CPA5: variants seen among roughly 807,000 people sequenced by gnomAD.
The protein encoded by CPA5 is testicular tissue protein Li 32.
CPA5 carries 38 observed loss-of-function variants against 52.2 expected under a neutral mutation model. That is an observed-to-expected ratio of 0.73 (90% CI 0.56 to 0.95). The LOEUF (loss-of-function observed/expected upper bound fraction) is 0.95, where lower values mean the gene tolerates loss of function less well. Ranked by LOEUF, CPA5 falls within the 40% of genes least tolerant of loss-of-function variation. CPA5 has a pLI of 0.00. For missense variants in CPA5, 519 were observed against 566.7 expected, an observed-to-expected ratio of 0.92 and a Z score of 0.86; for synonymous variants, 198 against 213.7, an observed-to-expected ratio of 0.93 and a Z score of 0.64.
rs782095077 is a variant in CPA5, at chr7:130,350,026, G to A, written c.250G>A (p.Val84Ile). 17 of 1,613,968 alleles carry A rather than the reference G, an allele frequency of 1.1e-5. No homozygotes were observed. The East Asian group carries it at 3.1e-4, about 30-fold the overall frequency. The part of the protein sequence containing the change: ...ARPSLPVDMR[V>I]PFSELKDIKA... ...GCCCAGCCTCCCTGTGGATATGAGA[G>A]TTCCTTTCTCTGAACTGAAAGACAT... is the stretch of plus-strand genomic sequence containing the variant. The change falls in exon 5 of 13, where the codon GTT (valine) becomes ATT (isoleucine). Residue 84 changes from valine (V) to isoleucine (I), a missense_variant. Coordinates refer to ENST00000474905, the MANE Select transcript of CPA5 (RefSeq NM_080385.5).
At chr7:130,359,010 C>T (rs556106920) in intron 5 of CPA5, among the ~76,000 whole-genome samples, 11 of 152,250 alleles carry the variant, frequency 7.2e-5, no homozygotes, top group African/African-American at 2.2e-4. Flanking sequence ...TTTGGCCATG[C>T]CTGGCTTTCT....
At chr7:130,350,294 A>T (rs6957041) in intron 5 of CPA5, among the ~76,000 whole-genome samples, 185 bp downstream of exon 5, 1 of 152,158 alleles carries the variant, frequency 6.6e-6, no homozygotes, top group Non-Finnish European at 1.5e-5. Context: ...CTAGGACAGG[A>T]TTCATGGGGG....
chr7:130,347,235 C>A lies in CPA5; in HGVS notation c.117-531C>A, dbSNP rs140058113. Among the ~76,000 whole-genome samples, 6 of 152,338 alleles carry A rather than the reference C, an allele frequency of 3.9e-5. No individual in the cohort carries two copies. In the East Asian group the frequency reaches 1.2e-3, roughly 29 times the overall value. ...ACCACAGGCCTCTTGGATACGCAAC[C>A]TCCACTCACCTCCATCGGGAAGGAA... On this transcript the variant is annotated intron_variant, in intron 3 of 12. Transcript: ENST00000474905.
chr7:130,347,083 C>A (rs1244033712), intron 3 of CPA5, among the ~76,000 whole-genome samples: 1 of 152,114 alleles, frequency 6.6e-6, no homozygotes, highest in East Asian at 1.9e-4. Flanking sequence ...AGGTGGATGC[C>A]CCACAGTGCT....
chr7:130,356,580 G>T (rs960548550), intron 5 of CPA5, among the ~76,000 whole-genome samples: 9 of 152,336 alleles, frequency 5.9e-5, no homozygotes, highest in African/African-American at 1.7e-4. Flanking sequence ...TGAGGGCTGA[G>T]AATTCCCAGT....
At chr7:130,363,548 A>T (rs563311576) in intron 10 of CPA5, 39 bp downstream of exon 10, 1 of 1,516,632 alleles carries the variant, frequency 6.6e-7, no homozygotes, top group Admixed American at 2.0e-5. Context: ...GTTGGAGAAG[A>T]GGTGTTGGCC....
chr7:130,370,514 A>AT (rs1178214232), downstream of CPA5, among the ~76,000 whole-genome samples: 1 of 152,092 alleles, frequency 6.6e-6, no homozygotes, highest in Non-Finnish European at 1.5e-5. Context: ...CGATACAAAT[A>AT]TTTTTATTTT....
At chr7:130,347,740 C>T in intron 3 of CPA5, 26 bp from the exon 4 acceptor site, 1 of 1,600,000 alleles carries the variant, frequency 6.3e-7, no homozygotes, top group Non-Finnish European at 8.6e-7. Flanking sequence ...CCGCAGCTTC[C>T]TCCGCCCCTC....
In CPA5 at chr7:130,361,186, T is replaced by C; in HGVS notation, c.476T>C (p.Ile159Thr). ...IDNFVMEHSD[I>T]VSKIQIGNSF... ...AACTTTGTAATGGAGCATTCCGATATTGTCTCAAAAATTCAGATTGGCAAC... is the reference window on the plus strand; with the variant it reads ...AACTTTGTAATGGAGCATTCCGATACTGTCTCAAAAATTCAGATTGGCAAC... Residue 159 changes from isoleucine to threonine, a missense_variant, in exon 7 of 13, where the codon ATT becomes ACT. Physicochemically the swap from Ile to Thr is moderately conservative, Grantham distance 89 (BLOSUM62 -1). Transcript: ENST00000474905. The C allele has an allele frequency of 2.5e-6, 4 of 1,614,132 alleles. No homozygotes were observed. The highest frequency in any genetic ancestry group is 1.3e-5 in the African/African-American group (1 of 75,060).
chr7:130,368,693 C>G lies in CPA5; in HGVS notation c.*96C>G. ...TGCATCCCCATCCCCATGCCCTCATCCCGACCTCTTAGAAAATAAATACAA... is the reference window on the plus strand; with the variant it reads ...TGCATCCCCATCCCCATGCCCTCATGCCGACCTCTTAGAAAATAAATACAA... On this transcript the variant is annotated 3_prime_UTR_variant, in exon 13 of 13. Coordinates refer to ENST00000474905, the MANE Select transcript of CPA5 (RefSeq NM_080385.5). 7.9e-7 allele frequency: 1 copy of G among 1,260,368 alleles called. No homozygotes were observed. Among genetic ancestry groups the G allele is most frequent in the South Asian group, 1.3e-5 (1 of 77,186 alleles). 78.1% of individuals were successfully genotyped at this position (1,260,368 alleles called of 1,614,324 possible). A position where few individuals can be genotyped will look rare whatever the true frequency, so the allele number is the denominator to read the frequency against.
At chr7:130,347,320 G>A (rs978837789) in intron 3 of CPA5, among the ~76,000 whole-genome samples, 10 of 152,242 alleles carry the variant, frequency 6.6e-5, no homozygotes, top group Admixed American at 1.3e-4. Flanking sequence ...CCTTCCGGGC[G>A]TCGAGACAGA....
At position 130,362,496 on chromosome 7, in the gene CPA5, G is replaced by A. The variant is rs536962430; in HGVS notation, c.593G>A (p.Arg198Gln). The change falls in exon 8 of 13, where the codon CGG becomes CAG. Residue 198 changes from arginine (R) to glutamine (Q), a missense_variant. By Grantham distance (43) the Arg-to-Gln change is conservative. Coordinates refer to ENST00000474905, the MANE Select transcript of CPA5 (RefSeq NM_080385.5). ...AIWIDTGIHSREWITHATGIW... is the reference protein window; with the variant it reads ...AIWIDTGIHSQEWITHATGIW... ...TGGATTGACACTGGAATTCACTCCC[G>A]GGAGTGGATCACCCATGCCACCGGC... 9 of 1,613,642 alleles carry A rather than the reference G, an allele frequency of 5.6e-6. No individual in the cohort carries two copies. The highest frequency in any genetic ancestry group is 2.2e-5 in the South Asian group (2 of 91,052).
At position 130,346,568 on chromosome 7, in the gene CPA5, TG is replaced by T; in HGVS notation, c.85del (p.Ala29GlnfsTer7). The T allele has an allele frequency of 1.2e-6, 2 of 1,614,016 alleles. No homozygotes were observed. The highest frequency in any genetic ancestry group is 1.1e-5 in the South Asian group (1 of 91,070). On this transcript the variant is annotated frameshift_variant, in exon 3 of 13. Transcript: ENST00000474905. LOFTEE classifies it high-confidence loss of function. ...ACACTCCTGGTCTTCAGCTTTATCCTGGCAGCAGCTTTGGGCCAAATGAATT... is the reference window on the plus strand; with the variant it reads ...ACACTCCTGGTCTTCAGCTTTATCCTGCAGCAGCTTTGGGCCAAATGAATT... ...RRTLLVFSFI[L>X]AAALGQMNFT...
intron 5 of CPA5, among the ~76,000 whole-genome samples, chr7:130,355,652 A>G (rs1382440287): frequency 6.6e-6 from 1 of 152,236 alleles, no homozygotes. Flanking sequence ...CAAGTGATCC[A>G]TCTGCCTTGG....
At chr7:130,349,065 AG>A (rs1794962913) in intron 4 of CPA5, among the ~76,000 whole-genome samples, 1 of 152,182 alleles carries the variant, frequency 6.6e-6, no homozygotes, top group African/African-American at 2.4e-5. Context: ...GCGCAAGAGT[AG>A]TGATGCTGGC....
intron 5 of CPA5, among the ~76,000 whole-genome samples, chr7:130,354,716 G>A (rs558899637): frequency 2.0e-5 from 3 of 151,830 alleles, no homozygotes; most frequent in African/African-American, 7.3e-5. Context: ...AGGTTTTTTT[G>A]TTTGTTTGTT....
Position 130,367,541 on chromosome 7 carries a change from G to A in CPA5, c.1008G>A (p.Leu336=), listed in dbSNP as rs781849289. Residue 336 remains leucine, a synonymous_variant, in exon 11 of 13, where the codon TTG becomes TTA. Transcript: ENST00000474905. ...SQMLMYPYGR[L]LEPVSNQREL... ...TGCTTATGTACCCTTACGGCCGATT[G>A]CTGGAGCCCGTTTCAAATCAGAGGG... 3.7e-6 allele frequency: 6 copies of A among 1,614,066 alleles called. No homozygotes were observed. Among genetic ancestry groups the A allele is most frequent in the Non-Finnish European group, 4.2e-6 (5 of 1,179,994 alleles).
At chr7:130,360,237 TC>T (rs1795720290) in intron 6 of CPA5, among the ~76,000 whole-genome samples, 1 of 152,244 alleles carries the variant, frequency 6.6e-6, no homozygotes, top group Admixed American at 6.5e-5. Context: ...TATCCAATCC[TC>T]CAGCTAGGGA....
chr7:130,367,515 A>G lies in CPA5; in HGVS notation c.982A>G (p.Met328Val). 1 of 1,614,106 alleles carries G rather than the reference A, an allele frequency of 6.2e-7. No homozygotes were observed. Among genetic ancestry groups the G allele is most frequent in the Non-Finnish European group, 8.5e-7 (1 of 1,180,000 alleles). The change falls in exon 11 of 13, where the codon ATG becomes GTG. Residue 328 changes from methionine (M) to valine (V), a missense_variant. Met to Val is a conservative substitution (Grantham distance 21). Coordinates refer to ENST00000474905, the MANE Select transcript of CPA5 (RefSeq NM_080385.5). ...ALISIHSYSQ[M>V]LMYPYGRLLE... ...GATCTCCATCCACAGCTACTCTCAG[A>G]TGCTTATGTACCCTTACGGCCGATT...
Sources: allele counts gnomAD v4.1 joint callset (sites outside exome capture counted in the v4.1 genomes callset), GRCh38; gene constraint gnomAD v4.1.1; transcripts MANE v1.5; gene names NCBI Gene and HGNC (gene_info 2026-07-23, HGNC 2026-07-21).